The following RNF135 variants were observed in gnomAD, a reference collection of about 807,000 sequenced individuals.
The protein encoded by RNF135 is ring finger protein 135.
Under a neutral mutation model 41.9 loss-of-function variants are expected in RNF135, and 46 were observed. The ratio of observed to expected loss-of-function variants is 1.10; its 90% CI spans 0.87 to 1.40. The LOEUF is 1.40. Ranked by LOEUF, RNF135 falls within the 40% of genes most tolerant of loss-of-function variation. The probability of loss-of-function intolerance (pLI) is 0.00; values close to 1 mark genes in which losing one functional copy is unlikely to be tolerated. For missense variants in RNF135, 539 were observed against 549.8 expected (o/e 0.98, Z 0.20); for synonymous variants, 238 against 223.8 (o/e 1.06, Z -0.57).
chr17:30,993,353 G>A (rs527819964), intron 3 of RNF135, among the ~76,000 whole-genome samples: 1 of 152,184 alleles, frequency 6.6e-6, no homozygotes, highest in African/African-American at 2.4e-5. Context: ...TTACAGGCAT[G>A]AGCCACAGCA....
upstream of RNF135, among the ~76,000 whole-genome samples, chr17:30,966,661 A>G (rs1158940775): frequency 1.4e-5 from 2 of 147,954 alleles, no homozygotes; most frequent in South Asian, 2.1e-4. Flanking sequence ...GTGCCTGGCT[A>G]ATTTTTTTTT....
the RNF135 span, among the ~76,000 whole-genome samples, chr17:30,960,716 TTTTATTTTATTTTA>T: frequency 7.2e-6 from 1 of 139,110 alleles, no homozygotes. Flanking sequence ...TTTTATTTTA[TTTTATTTTATTTTA>T]TTTATTTTAT....
At chr17:30,996,677 C>T (rs769072056) in intron 3 of RNF135, among the ~76,000 whole-genome samples, 17 of 152,208 alleles carry the variant, frequency 1.1e-4, no homozygotes, top group Non-Finnish European at 2.1e-4. Context: ...CACTCTAGGA[C>T]TTCCCTTACT....
chr17:30,986,350 C>T lies in RNF135; in HGVS notation c.516+1590C>T, dbSNP rs1229700904. 2.6e-5 allele frequency among the ~76,000 whole-genome samples: 4 copies of T among 152,080 alleles called. No individual in the cohort carries two copies. The South Asian group carries it at 8.3e-4, about 32-fold the overall frequency. ...TAGCTGGGACTACAGGTGTCCGCCA[C>T]CACTCCTGGCTAATTTTTGTATTTT... is the stretch of plus-strand genomic sequence containing the variant. On this transcript the variant is annotated intron_variant, in intron 2 of 4. Transcript: ENST00000328381.
intron 1 of RNF135, among the ~76,000 whole-genome samples, chr17:30,983,347 A>ATTTTTTTT (rs1907334924): frequency 2.7e-5 from 1 of 36,862 alleles, no homozygotes; most frequent in African/African-American, 9.8e-5. Context: ...ATATATATAT[A>ATTTTTTTT]TATATATTTT....
rs1379470100 is a variant in RNF135, at chr17:30,988,944, T to G, written c.679+838T>G. ...TCTTTCTTTTTTTTTTTTTTTTTTTTAAGTAGAGACAGAGTTTCACCATGT... is the reference window on the plus strand; with the variant it reads ...TCTTTCTTTTTTTTTTTTTTTTTTTGAAGTAGAGACAGAGTTTCACCATGT... On this transcript the variant is annotated intron_variant, in intron 3 of 4. Transcript: ENST00000328381. Among the ~76,000 whole-genome samples the G allele has an allele frequency of 3.9e-5, 5 of 128,126 alleles. No individual in the cohort carries two copies. The East Asian group carries it at 1.0e-3, about 27-fold the overall frequency. 84.1% of individuals were successfully genotyped at this position (128,126 alleles called of 152,430 possible).
At chr17:30,992,371 ATT>A (rs555306484) in intron 3 of RNF135, among the ~76,000 whole-genome samples, 18 of 139,488 alleles carry the variant, frequency 1.3e-4, no homozygotes, top group Admixed American at 1.4e-4. Flanking sequence ...TCTGGCCTCA[ATT>A]TTTTTTTTTT....
upstream of RNF135, among the ~76,000 whole-genome samples, chr17:30,966,347 AT>A (rs1490274382): frequency 7.5e-6 from 1 of 133,718 alleles, no homozygotes; most frequent in African/African-American, 3.9e-5. Flanking sequence ...TTTTTAATTT[AT>A]TTTTATTTTA....
intron 1 of RNF135, 43 bp downstream of exon 1, chr17:30,971,488 G>T: frequency 2.1e-6 from 3 of 1,452,180 alleles, no homozygotes. Context: ...CCCCCGGGCT[G>T]CCCGCCGCCT....
At chr17:30,975,987 A>G (rs1906417212) in intron 1 of RNF135, 2 of 379,372 alleles carry the variant, frequency 5.3e-6, no homozygotes, top group Non-Finnish European at 9.6e-6. Flanking sequence ...ATGTAAAAAA[A>G]AATAAATACT....
At chr17:30,992,761 TCA>T (rs1159093767) in intron 3 of RNF135, among the ~76,000 whole-genome samples, 4 of 152,152 alleles carry the variant, frequency 2.6e-5, no homozygotes, top group African/African-American at 9.7e-5. Flanking sequence ...GCTACCACAC[TCA>T]GTTAATTTTT....
rs765108985 is a variant in RNF135 at position 30,984,683 on chromosome 17, G to A, written c.439G>A (p.Asp147Asn). The A allele has an allele frequency of 1.9e-6, 3 of 1,614,150 alleles. No individual in the cohort carries two copies. In the East Asian group the frequency reaches 6.7e-5, roughly 36 times the overall value. ...ELTELVEHLV[D>N]IVRSLQNQRP... is the part of the protein sequence containing the mutation. ...GACAGAGCTGGTGGAACATCTTGTA[G>A]ACATTGTCAGAAGCCTGCAGAATCA... Residue 147 changes from aspartate to asparagine, a missense_variant, in exon 2 of 5, where the codon GAC (aspartate) becomes AAC (asparagine). Transcript: ENST00000328381.
chr17:30,971,005 G>A (rs769330925), upstream of RNF135: 3 of 1,528,674 alleles, frequency 2.0e-6, no homozygotes, highest in Non-Finnish European at 2.6e-6. Flanking sequence ...AAGAGGAAGG[G>A]CGAGGGAGGA....
chr17:30,963,172 G>A, the RNF135 span, among the ~76,000 whole-genome samples: 4 of 131,498 alleles, frequency 3.0e-5, no homozygotes, highest in Non-Finnish European at 6.2e-5. Context: ...TCACAGATAT[G>A]ACCATGGCAT....
chr17:30,968,862 TA>T (rs1004353796), upstream of RNF135: 6 of 152,182 alleles, frequency 3.9e-5, no homozygotes, highest in African/African-American at 1.2e-4. Flanking sequence ...GATTTTATTT[TA>T]TTTTTTAATT....
At position 30,971,105 on chromosome 17, in the gene RNF135, C is replaced by T. The variant is rs1365973567; in HGVS notation, c.32C>T (p.Pro11Leu). The T allele has an allele frequency of 6.5e-7, 1 of 1,534,316 alleles. No homozygotes were observed. Among genetic ancestry groups the T allele is most frequent in the Non-Finnish European group, 8.7e-7 (1 of 1,146,138 alleles). MAGLGLGSAV[P>L]VWLAEDDLGC... The stretch of plus-strand genomic sequence containing the variant: ...GGCCTGGGCCTGGGCTCCGCCGTTC[C>T]CGTGTGGCTGGCCGAGGACGACCTC... Residue 11 changes from proline to leucine, a missense_variant, in exon 1 of 5, where the codon CCC becomes CTC. Pro to Leu is a moderately conservative substitution (Grantham distance 98). Around this residue, in one of 2 missense-constraint regions of RNF135, gnomAD observed 277 missense variants for 212.8 expected, o/e 1.30. Coordinates refer to ENST00000328381, the MANE Select transcript of RNF135 (RefSeq NM_032322.4).
Position 30,998,655 on chromosome 17 carries a change from T to C in RNF135, c.770-7T>C, listed in dbSNP as rs749520061. 13 of 1,613,540 alleles carry C rather than the reference T, an allele frequency of 8.1e-6. No homozygotes were observed. In the Admixed American group the frequency reaches 8.3e-5, roughly 10 times the overall value. The stretch of plus-strand genomic sequence containing the variant: ...ATGTTCTTATTGTTCTTTTTTTTTT[T>C]CCAAAGGGGCCATCCATCCAACCTT... On this transcript the variant is annotated splice_region_variant and splice_polypyrimidine_tract_variant and intron_variant, in intron 4 of 4. Coordinates refer to ENST00000328381, the MANE Select transcript of RNF135 (RefSeq NM_032322.4).
chr17:30,981,204 A>C lies in RNF135; in HGVS notation c.373-3413A>C, dbSNP rs367977958. On this transcript the variant is annotated intron_variant, in intron 1 of 4. Coordinates refer to ENST00000328381, the MANE Select transcript of RNF135 (RefSeq NM_032322.4). ...GAAACCCCGTCTCCACCAAAAAAAA[A>C]CGAAAACCAGTCAGGCGTGGCGGCG... 8.0e-5 allele frequency among the ~76,000 whole-genome samples: 12 copies of C among 149,642 alleles called. No homozygotes were observed. The South Asian group carries it at 1.3e-3, about 16-fold the overall frequency.
intron 1 of RNF135, among the ~76,000 whole-genome samples, chr17:30,973,569 G>A (rs2142659968): frequency 6.6e-6 from 1 of 152,002 alleles, no homozygotes; most frequent in Middle Eastern, 3.4e-3. Flanking sequence ...CCGGGTTCAA[G>A]CAATTCTCCT....
Sources: allele counts gnomAD v4.1 joint callset (sites outside exome capture counted in the v4.1 genomes callset), GRCh38; gene constraint gnomAD v4.1.1; regional missense constraint gnomAD v4.1.1; transcripts MANE v1.5; gene names NCBI Gene and HGNC (gene_info 2026-07-23, HGNC 2026-07-21).